ASTN2: variants seen among roughly 807,000 people sequenced by gnomAD.
ASTN2 encodes the protein astrotactin-2.
In ASTN2, 54 loss-of-function variants were observed where a neutral mutation model predicts 139.8. That is an observed-to-expected ratio of 0.39 (90% CI 0.31 to 0.48). ASTN2 has a LOEUF of 0.48. Ranked by LOEUF, ASTN2 falls within the 20% of genes least tolerant of loss-of-function variation. The probability of loss-of-function intolerance (pLI) is 0.95; values close to 1 mark genes in which losing one functional copy is unlikely to be tolerated. For synonymous variants in ASTN2, 756 were observed against 719.5 expected (o/e 1.05, Z -0.81); for missense variants, 1,565 against 1,725.1 (o/e 0.91, Z 1.64).
intron 3 of ASTN2, among the ~76,000 whole-genome samples, chr9:117,160,047 A>G (rs1225055912): frequency 6.6e-6 from 1 of 152,006 alleles, no homozygotes; most frequent in Non-Finnish European, 1.5e-5. Flanking sequence ...CACTATGAAA[A>G]TGCATTTAAG....
intron 17 of ASTN2, among the ~76,000 whole-genome samples, chr9:116,651,148 C>G (rs1857889741): frequency 6.6e-6 from 1 of 152,006 alleles, no homozygotes; most frequent in South Asian, 2.1e-4. Flanking sequence ...AACTCCTGAC[C>G]TCAGGTAATC....
chr9:116,975,268 A>G lies in ASTN2; in HGVS notation c.1829T>C (p.Ile610Thr). Residue 610 changes from isoleucine to threonine, a missense_variant, in exon 10 of 23, where the codon ATC becomes ACC. Around this residue, in one of 4 missense-constraint regions of ASTN2, gnomAD observed 503 missense variants for 591.7 expected, o/e 0.85. Transcript: ENST00000313400. ...SFVVPPVELS[I>T]NPLASCKTDV... Reference sequence around the variant, plus strand: ...GGTCTTGCAGCTGGCCAGGGGGTTGATGGACAGCTCCACAGGCGGAACCAC... The same window carrying G: ...GGTCTTGCAGCTGGCCAGGGGGTTGGTGGACAGCTCCACAGGCGGAACCAC... The G allele has an allele frequency of 1.2e-6, 2 of 1,613,504 alleles. No homozygotes were observed. The highest frequency in any genetic ancestry group is 1.7e-6 in the Non-Finnish European group (2 of 1,179,700).
At chr9:116,923,597 C>T (rs765291837) in intron 10 of ASTN2, among the ~76,000 whole-genome samples, 1 of 152,198 alleles carries the variant, frequency 6.6e-6, no homozygotes, top group South Asian at 2.1e-4. Context: ...CAGAGACGTA[C>T]ACCAACTTTC....
At chr9:116,724,831 A>G (rs1451367654) in intron 16 of ASTN2, among the ~76,000 whole-genome samples, 2 of 152,220 alleles carry the variant, frequency 1.3e-5, no homozygotes, top group Admixed American at 6.5e-5. Flanking sequence ...AGTATTAACT[A>G]TATCAAGAAG....
chr9:117,114,815 C>T (rs1040962580), intron 4 of ASTN2, among the ~76,000 whole-genome samples: 2 of 152,148 alleles, frequency 1.3e-5, no homozygotes, highest in East Asian at 3.9e-4. Context: ...AGAAACCAGT[C>T]ACTATCCAAG....
chr9:116,566,806 T>C (rs945335292), intron 19 of ASTN2, among the ~76,000 whole-genome samples: 3 of 152,284 alleles, frequency 2.0e-5, no homozygotes, highest in South Asian at 4.1e-4. Context: ...TGGCAGACTG[T>C]CTTGAGGATT....
At chr9:116,631,205 G>A (rs192180796) in intron 17 of ASTN2, among the ~76,000 whole-genome samples, 96 of 152,166 alleles carry the variant, frequency 6.3e-4, no homozygotes, top group Middle Eastern at 3.4e-3. Flanking sequence ...TCACTACTGG[G>A]CATATATACA....
rs187856884 is a variant in ASTN2, at chr9:116,789,283, G to A, written c.2396+16349C>T. On this transcript the variant is annotated intron_variant, in intron 13 of 22. Transcript: ENST00000313400. ...GTAAAGAATGAAGAGGCTGACTCAGGGTTTAAGGTTCTTTCAAAGTCCTCA... is the reference window on the plus strand; with the variant it reads ...GTAAAGAATGAAGAGGCTGACTCAGAGTTTAAGGTTCTTTCAAAGTCCTCA... 1.6e-3 allele frequency among the ~76,000 whole-genome samples: 241 copies of A among 152,284 alleles called. 1 individual carries two copies. Among genetic ancestry groups the A allele is most frequent in the Admixed American group, 4.3e-3 (65 of 15,280 alleles).
At chr9:116,862,462 G>A (rs576553743) in intron 11 of ASTN2, among the ~76,000 whole-genome samples, 1 of 152,286 alleles carries the variant, frequency 6.6e-6, no homozygotes, top group Non-Finnish European at 1.5e-5. Flanking sequence ...TAAAGATACT[G>A]TATGGAAAAG....
chr9:116,840,583 A>C (rs868445406), intron 11 of ASTN2, among the ~76,000 whole-genome samples: 1 of 9,762 alleles, frequency 1.0e-4, no homozygotes, highest in Non-Finnish European at 2.0e-4. Context: ...CTCCCGGACG[A>C]GGTGGCTGCC....
At chr9:117,274,170 G>A (rs761848228) in intron 2 of ASTN2, among the ~76,000 whole-genome samples, 4 of 152,000 alleles carry the variant, frequency 2.6e-5, no homozygotes, top group Non-Finnish European at 4.4e-5. Flanking sequence ...CTAACATGGC[G>A]AAACCCCGTC....
At chr9:117,278,967 C>T (rs1247752458) in intron 2 of ASTN2, among the ~76,000 whole-genome samples, 1 of 152,210 alleles carries the variant, frequency 6.6e-6, no homozygotes, top group African/African-American at 2.4e-5. Context: ...CATCGTGAGT[C>T]ACCCTTTGAG....
At chr9:117,008,673 A>T (rs1837428753) in intron 6 of ASTN2, among the ~76,000 whole-genome samples, 1 of 152,194 alleles carries the variant, frequency 6.6e-6, no homozygotes, top group Non-Finnish European at 1.5e-5. Context: ...CTGGCACCTG[A>T]CTTATTATAG....
At chr9:116,803,833 A>C (rs1830962363) in intron 13 of ASTN2, among the ~76,000 whole-genome samples, 1 of 151,516 alleles carries the variant, frequency 6.6e-6, no homozygotes, top group Non-Finnish European at 1.5e-5. Flanking sequence ...CCAGTTTAAA[A>C]AAAAAAAAAG....
chr9:117,075,836 TCA>T (rs1828266920), intron 5 of ASTN2, among the ~76,000 whole-genome samples: 1 of 152,182 alleles, frequency 6.6e-6, no homozygotes, highest in Admixed American at 6.5e-5. Context: ...TCTCTGTGCC[TCA>T]GTTTTCTCAT....
At chr9:117,240,603 C>T (rs866323644) in intron 2 of ASTN2, among the ~76,000 whole-genome samples, 6 of 152,184 alleles carry the variant, frequency 3.9e-5, no homozygotes, top group Admixed American at 1.3e-4. Flanking sequence ...TAATTAAGTG[C>T]GGGTACTATA....
intron 5 of ASTN2, among the ~76,000 whole-genome samples, chr9:117,041,345 T>C (rs1030756212): frequency 6.6e-6 from 1 of 152,114 alleles, no homozygotes; most frequent in African/African-American, 2.4e-5. Context: ...GAATGTCAAA[T>C]ATATTAATAA....
chr9:117,057,044 T>A (rs1402323778), intron 5 of ASTN2, among the ~76,000 whole-genome samples: 1 of 152,240 alleles, frequency 6.6e-6, no homozygotes, highest in African/African-American at 2.4e-5. Context: ...AAAGGCTTGA[T>A]AATTATCAGC....
intron 2 of ASTN2, among the ~76,000 whole-genome samples, chr9:117,239,345 C>G (rs571536686): frequency 6.6e-6 from 1 of 152,098 alleles, no homozygotes; most frequent in Non-Finnish European, 1.5e-5. Flanking sequence ...GGAGAGACAA[C>G]AGGAGGAGGT....
Sources: allele counts gnomAD v4.1 joint callset (sites outside exome capture counted in the v4.1 genomes callset), GRCh38; gene constraint gnomAD v4.1.1; regional missense constraint gnomAD v4.1.1; transcripts MANE v1.5; gene names NCBI Gene and HGNC (gene_info 2026-07-23, HGNC 2026-07-21).